KIF13A: variants seen among roughly 807,000 people sequenced by gnomAD.
KIF13A encodes kinesin family member 13A, also known as kinesin-like protein KIF13A.
In KIF13A, 79 loss-of-function variants were observed where a neutral mutation model predicts 212.2. That is an observed-to-expected ratio of 0.37 (90% confidence interval 0.31 to 0.45). The LOEUF (loss-of-function observed/expected upper bound fraction) is 0.45. KIF13A is among the 20% of genes least tolerant of loss of function. The pLI, the probability that KIF13A is intolerant of heterozygous loss-of-function variation, is 1.00. For synonymous variants in KIF13A, 789 were observed against 808.6 expected (o/e 0.98, Z 0.41); for missense variants, 1,901 against 2,209.0 (o/e 0.86, Z 2.79).
intron 2 of KIF13A, among the ~76,000 whole-genome samples, chr6:17,940,046 A>AT (rs1005898116): frequency 5.5e-5 from 7 of 126,574 alleles, no homozygotes; most frequent in South Asian, 6.1e-4. Flanking sequence ...CGTCTCATAA[A>AT]TTAAAAAAAA....
chr6:17,904,679 C>A (rs1773341325), intron 2 of KIF13A, among the ~76,000 whole-genome samples: 1 of 152,206 alleles, frequency 6.6e-6, no homozygotes, highest in African/African-American at 2.4e-5. Context: ...CCACACTTCA[C>A]TCTGAAAGAT....
rs1298822069 is a variant in KIF13A, at chr6:17,799,695, C to T, written c.2617-256G>A. ...AGCTTCCTAATGACTGAGATGCAAC[C>T]TTTAATAGAAAAACATAATTCACTA... is the stretch of plus-strand genomic sequence containing the variant. On this transcript the variant is annotated intron_variant, in intron 21 of 38. Transcript: ENST00000259711. The surrounding 1 kb of genome is among the most constrained non-coding windows in gnomAD (Gnocchi z 4.4). Among the ~76,000 whole-genome samples, 2 of 152,108 alleles carry T rather than the reference C, an allele frequency of 1.3e-5. No homozygotes were observed. The highest frequency in any genetic ancestry group is 2.4e-5 in the African/African-American group (1 of 41,418).
chr6:17,977,516 C>G (rs569390311), intron 2 of KIF13A, among the ~76,000 whole-genome samples: 34 of 152,220 alleles, frequency 2.2e-4, no homozygotes, highest in African/African-American at 8.2e-4. Flanking sequence ...ATTAAAAATT[C>G]AAGAGACTAT....
At chr6:17,847,781 T>A (rs1195693244) in intron 9 of KIF13A, among the ~76,000 whole-genome samples, 2 of 152,206 alleles carry the variant, frequency 1.3e-5, no homozygotes, top group Non-Finnish European at 2.9e-5. Flanking sequence ...GGTCATTTTA[T>A]CCCTAACAAA....
At position 17,821,764 on chromosome 6, in the gene KIF13A, C is replaced by T. The variant is rs867101065; in HGVS notation, c.1786+4004G>A. On this transcript the variant is annotated intron_variant, in intron 16 of 38. Coordinates refer to ENST00000259711, the MANE Select transcript of KIF13A (RefSeq NM_022113.6). ...TAAAAACCAGCCAAGCTCCCTCATGCCAATGCCAATCAGTTAAAAACCTTT... is the reference window on the plus strand; with the variant it reads ...TAAAAACCAGCCAAGCTCCCTCATGTCAATGCCAATCAGTTAAAAACCTTT... 2.9e-5 allele frequency: 45 copies of T among 1,534,634 alleles called. No homozygotes were observed. The African/African-American group carries it at 4.2e-4, about 14-fold the overall frequency.
In KIF13A at chr6:17,799,976, G is replaced by A. The variant is rs1490050284; in HGVS notation, c.2592C>T (p.His864=). The change falls in exon 21 of 39, where the codon CAC becomes CAT. Residue 864 remains histidine, a synonymous_variant. Coordinates refer to ENST00000259711, the MANE Select transcript of KIF13A (RefSeq NM_022113.6). This position sits in a 1 kb window ranked among gnomAD's most constrained non-coding sequence, Gnocchi z 4.4. The stretch of plus-strand genomic sequence containing the variant: ...CCCGACATGTCAGCTTTTTGACTCG[G>A]TGAATGATTTCCCCGCTGCTGTCTA... ...EVVDSSGEII[H]RVKKLTCRVK... The A allele has an allele frequency of 1.9e-6, 3 of 1,613,778 alleles. No homozygotes were observed. The highest frequency in any genetic ancestry group is 3.3e-4 in the Middle Eastern group (2 of 6,056).
rs1293381438 is a variant in KIF13A at position 17,772,736 on chromosome 6, A to G, written c.4325-677T>C. ...TTCTGTGTATCTTATTTCCATAGTT[A>G]TAAGACAGAAAGTAGAGGCTCAATA... On this transcript the variant is annotated intron_variant, in intron 36 of 38. Transcript: ENST00000259711. This position sits in a 1 kb window ranked among gnomAD's most constrained non-coding sequence, Gnocchi z 4.8. Among the ~76,000 whole-genome samples, 2 of 152,248 alleles carry G rather than the reference A, an allele frequency of 1.3e-5. No individual in the cohort carries two copies. Among genetic ancestry groups the G allele is most frequent in the Non-Finnish European group, 2.9e-5 (2 of 68,042 alleles).
At chr6:17,822,037 T>A (rs1361107202) in intron 16 of KIF13A, 6 of 858,362 alleles carry the variant, frequency 7.0e-6, no homozygotes, top group South Asian at 2.0e-5. Flanking sequence ...GGGGGAAACA[T>A]AACTTCTTTT....
chr6:17,903,596 C>G (rs559471784), intron 2 of KIF13A, among the ~76,000 whole-genome samples: 1 of 152,034 alleles, frequency 6.6e-6, no homozygotes, highest in Non-Finnish European at 1.5e-5. Flanking sequence ...CAAAATGGCA[C>G]AAGAACTCAC....
rs772395057 is a variant in KIF13A, at chr6:17,764,940, C to A, written c.4588G>T (p.Glu1530Ter). ...GCTTCCAGCTCATTTTCTTCCTCCT[C>A]AGAGTCCTATAGAAGTGAAGCAAAA... The part of the protein sequence containing the change: ...NSKREKKIDS[E>*]EEENELEAIN... The change falls in exon 39 of 39, where the codon GAG becomes TAG. Residue 1530 changes from glutamate (E) to a stop codon, truncating the protein, a stop_gained. Transcript: ENST00000259711. LOFTEE classifies it low-confidence loss of function (END_TRUNC). This position sits in a 1 kb window ranked among gnomAD's most constrained non-coding sequence, Gnocchi z 5.1. 1.9e-5 allele frequency: 30 copies of A among 1,605,116 alleles called. No homozygotes were observed. The highest frequency in any genetic ancestry group is 2.6e-5 in the Non-Finnish European group (30 of 1,175,548).
chr6:17,855,647 G>C lies in KIF13A; in HGVS notation c.314-30C>G, dbSNP rs776257915. On this transcript the variant is annotated intron_variant, in intron 5 of 38. Transcript: ENST00000259711. This position sits in a 1 kb window ranked among gnomAD's most constrained non-coding sequence, Gnocchi z 4.1. ...AGAACAGCAAGGAAAAAGAAGAACA[G>C]GTAGAGGAGGGAGCAAAATGCAATG... The C allele has an allele frequency of 1.3e-6, 2 of 1,544,404 alleles. No individual in the cohort carries two copies. Among genetic ancestry groups the C allele is most frequent in the African/African-American group, 2.8e-5 (2 of 72,404 alleles).
Position 17,856,072 on chromosome 6 carries a change from A to G in KIF13A, c.271T>C (p.Phe91Leu), listed in dbSNP as rs1187400912. ...CLGEGILEKA[F>L]QGYNACIFAY... ...AAAATACACGCATTATACCCCTGAAAGGCTTTTTCAAGAATTCCTTCCCCA... is the reference window on the plus strand; with the variant it reads ...AAAATACACGCATTATACCCCTGAAGGGCTTTTTCAAGAATTCCTTCCCCA... The change falls in exon 5 of 39, where the codon TTT (phenylalanine) becomes CTT (leucine). Residue 91 changes from phenylalanine (F) to leucine (L), a missense_variant. Phe to Leu is a conservative substitution (Grantham distance 22, BLOSUM62 0). Coordinates refer to ENST00000259711, the MANE Select transcript of KIF13A (RefSeq NM_022113.6). This position sits in a 1 kb window ranked among gnomAD's most constrained non-coding sequence, Gnocchi z 4.5. 4 of 1,613,746 alleles carry G rather than the reference A, an allele frequency of 2.5e-6. No individual in the cohort carries two copies. In the South Asian group the frequency reaches 4.4e-5, roughly 18 times the overall value.
chr6:17,774,493 T>A (rs1164571092), intron 35 of KIF13A, among the ~76,000 whole-genome samples: 1 of 151,884 alleles, frequency 6.6e-6, no homozygotes, highest in African/African-American at 2.4e-5. Context: ...ATAGCAATTG[T>A]CTGGGCATGG....
intron 2 of KIF13A, chr6:17,950,682 C>T (rs974629821): frequency 2.2e-5 from 22 of 984,594 alleles, no homozygotes; most frequent in Admixed American, 1.8e-4. Flanking sequence ...TCTAAGAGTC[C>T]TCAAATACAC....
At position 17,900,364 on chromosome 6, in the gene KIF13A, G is replaced by A. The variant is rs1483993149; in HGVS notation, c.147-2184C>T. Among the ~76,000 whole-genome samples the A allele has an allele frequency of 2.6e-5, 4 of 152,110 alleles. No homozygotes were observed. Among genetic ancestry groups the A allele is most frequent in the Admixed American group, 2.0e-4 (3 of 15,274 alleles). On this transcript the variant is annotated intron_variant, in intron 2 of 38. Transcript: ENST00000259711. The surrounding 1 kb of genome is among the most constrained non-coding windows in gnomAD (Gnocchi z 4.6). ...CCTTTCTTCATTGACATTCCAAGAAGGTTTTCTTCATTCTTCTTAGAAAAC... is the reference window on the plus strand; with the variant it reads ...CCTTTCTTCATTGACATTCCAAGAAAGTTTTCTTCATTCTTCTTAGAAAAC...
chr6:17,851,841 G>A (rs560784775), intron 7 of KIF13A, 114 bp downstream of exon 7: 2 of 467,866 alleles, frequency 4.3e-6, no homozygotes, highest in Non-Finnish European at 7.4e-6. Context: ...GGGTTTCTGA[G>A]GCCCTGAGTA....
chr6:17,800,185 G>T, intron 20 of KIF13A, 72 bp from the exon 21 acceptor site: 1 of 1,426,646 alleles, frequency 7.0e-7, no homozygotes, highest in Non-Finnish European at 9.4e-7. Context: ...AGACAGACGT[G>T]CCTTCTACAG....
chr6:17,928,685 C>A (rs1039282327), intron 2 of KIF13A, among the ~76,000 whole-genome samples: 1 of 152,098 alleles, frequency 6.6e-6, no homozygotes, highest in Non-Finnish European at 1.5e-5. Context: ...TAGAACACCA[C>A]AAAGTAAGAA....
Position 17,837,142 on chromosome 6 carries a change from A to G in KIF13A, c.943-52T>C, listed in dbSNP as rs1330882550. The G allele has an allele frequency of 4.1e-6, 6 of 1,471,710 alleles. No individual in the cohort carries two copies. The highest frequency in any genetic ancestry group is 5.7e-6 in the Non-Finnish European group (6 of 1,054,892). The allele number at this position is 1,471,710 out of a possible 1,614,324, so 91.2% of individuals were successfully genotyped here. A position where few individuals can be genotyped will look rare whatever the true frequency, so the allele number is the denominator to read the frequency against. The stretch of plus-strand genomic sequence containing the variant: ...AGGAAGCCCATTCCATGGACAACAC[A>G]TATGATAAAAGCACTAAATGTGTTA... On this transcript the variant is annotated intron_variant, in intron 10 of 38. Coordinates refer to ENST00000259711, the MANE Select transcript of KIF13A (RefSeq NM_022113.6). This position sits in a 1 kb window ranked among gnomAD's most constrained non-coding sequence, Gnocchi z 5.4.
Sources: allele counts gnomAD v4.1 joint callset (sites outside exome capture counted in the v4.1 genomes callset), GRCh38; gene constraint gnomAD v4.1.1; non-coding constraint Gnocchi (gnomAD v3.1); transcripts MANE v1.5; gene names NCBI Gene and HGNC (gene_info 2026-07-23, HGNC 2026-07-21).